DLGAP2: variants seen among roughly 807,000 people sequenced by gnomAD.
DLGAP2 encodes disks large-associated protein 2.
DLGAP2 carries 26 observed loss-of-function variants against 100.3 expected under a neutral mutation model. The observed-to-expected ratio is 0.26, with a 90% CI of 0.19 to 0.36. DLGAP2 has a LOEUF of 0.36. Ranked by LOEUF, DLGAP2 falls within the 10% of genes least tolerant of loss-of-function variation. The probability of loss-of-function intolerance (pLI) is 1.00; values close to 1 mark genes in which losing one functional copy is unlikely to be tolerated. For missense variants in DLGAP2, 1,858 were observed against 1,453.2 expected (o/e 1.28, Z -4.53); for synonymous variants, 886 against 630.1 (o/e 1.41, Z -6.08).
intron 8 of DLGAP2, among the ~76,000 whole-genome samples, chr8:1,664,479 A>G (rs938237105): frequency 1.3e-5 from 2 of 152,272 alleles, no homozygotes; most frequent in African/African-American, 4.8e-5. Flanking sequence ...ATTATGGAGC[A>G]CACTGGGGCC....
At chr8:1,116,824 A>G (rs943479175) in intron 2 of DLGAP2, among the ~76,000 whole-genome samples, 3 of 152,128 alleles carry the variant, frequency 2.0e-5, no homozygotes, top group African/African-American at 7.2e-5. Flanking sequence ...AAAAAAAGAG[A>G]ATATTCATTA....
chr8:1,472,986 AG>A (rs1798842070), intron 3 of DLGAP2, among the ~76,000 whole-genome samples: 1 of 152,100 alleles, frequency 6.6e-6, no homozygotes. Context: ...GCTGGAGTGC[AG>A]TGGCTTGATC....
At chr8:973,357 G>C (rs976316350) in intron 2 of DLGAP2, among the ~76,000 whole-genome samples, 17 of 152,014 alleles carry the variant, frequency 1.1e-4, no homozygotes, top group Admixed American at 6.5e-5. Context: ...CTTCCCAGAC[G>C]GGGTGGCTGC....
chr8:1,675,268 G>T (rs983723611), intron 10 of DLGAP2, among the ~76,000 whole-genome samples: 4 of 152,226 alleles, frequency 2.6e-5, no homozygotes, highest in African/African-American at 9.6e-5. Flanking sequence ...ACCCGGCTCT[G>T]GGGTCAGAGA....
At position 946,197 on chromosome 8, in the gene DLGAP2, G is replaced by C. The variant is rs999433249; in HGVS notation, c.73+38231G>C. The stretch of plus-strand genomic sequence containing the variant: ...GGGAGTCACACATTGATTGTCATCT[G>C]ATCTCCTGGGATGTGTATTGGCATT... On this transcript the variant is annotated intron_variant, in intron 2 of 14. Transcript: ENST00000637795. 3.2e-4 allele frequency among the ~76,000 whole-genome samples: 49 copies of C among 151,902 alleles called. 3 individuals carry two copies.
At chr8:1,369,388 A>G (rs1021727482) in intron 3 of DLGAP2, 3 of 151,952 alleles carry the variant, frequency 2.0e-5, no homozygotes, top group African/African-American at 7.3e-5. Flanking sequence ...TGTCGTGATC[A>G]CCCCTTCCTG....
chr8:761,464 T>C (rs531113080), intron 1 of DLGAP2, among the ~76,000 whole-genome samples: 4 of 152,356 alleles, frequency 2.6e-5, no homozygotes, highest in African/African-American at 9.6e-5. Flanking sequence ...TGGCCGGGCC[T>C]TCTGTAAGAT....
intron 12 of DLGAP2, among the ~76,000 whole-genome samples, chr8:1,687,243 C>T (rs570454533): frequency 6.6e-6 from 1 of 152,292 alleles, no homozygotes; most frequent in South Asian, 2.1e-4. Flanking sequence ...AATTATGTTA[C>T]TTCATACCAA....
At chr8:1,203,208 G>T (rs1314484996) in intron 2 of DLGAP2, among the ~76,000 whole-genome samples, 1 of 152,150 alleles carries the variant, frequency 6.6e-6, no homozygotes, top group Non-Finnish European at 1.5e-5. Context: ...GATTATAGAC[G>T]TGTGTGTCCT....
chr8:809,894 C>A (rs933890137), intron 1 of DLGAP2, among the ~76,000 whole-genome samples: 1 of 152,224 alleles, frequency 6.6e-6, no homozygotes, highest in Non-Finnish European at 1.5e-5. Context: ...CTGGCTCTGA[C>A]TCGCCCAGAA....
In DLGAP2 at chr8:906,919, G is replaced by A. The variant is rs139524294; in HGVS notation, c.19-993G>A. On this transcript the variant is annotated intron_variant, in intron 1 of 14. Coordinates refer to ENST00000637795, the MANE Select transcript of DLGAP2 (RefSeq NM_001346810.2). ...TCTTGTTTTCAATTGATTATATTTG[G>A]GAGAGAATTGTTCTTTTTTCAATAT... 2.4e-4 allele frequency among the ~76,000 whole-genome samples: 37 copies of A among 152,294 alleles called. 1 individual carries two copies. Among genetic ancestry groups the A allele is most frequent in the African/African-American group, 8.4e-4 (35 of 41,560 alleles).
At chr8:926,022 G>A (rs1798806731) in intron 2 of DLGAP2, among the ~76,000 whole-genome samples, 1 of 152,288 alleles carries the variant, frequency 6.6e-6, no homozygotes, top group East Asian at 1.9e-4. Flanking sequence ...GCTCCGGGCC[G>A]CTCGGGGGCA....
At chr8:1,276,585 G>C (rs1219376809) in intron 3 of DLGAP2, among the ~76,000 whole-genome samples, 4 of 151,972 alleles carry the variant, frequency 2.6e-5, no homozygotes, top group Non-Finnish European at 5.9e-5. Context: ...TGCGGTTTGA[G>C]TACACGATGA....
chr8:1,501,411 G>A lies in DLGAP2; in HGVS notation c.152G>A (p.Gly51Glu), dbSNP rs147195362. ...DLVQPGISFP[G>E]PAEEDLDPQY... is the part of the protein sequence containing the mutation. The stretch of plus-strand genomic sequence containing the variant: ...GTCCAGCCGGGCATCAGCTTTCCGG[G>A]GCCGGCAGAGGAGGATCTAGGTAGA... The change falls in exon 4 of 15, where the codon GGG becomes GAG. Residue 51 changes from glycine to glutamate, a missense_variant. By Grantham distance (98) the Gly-to-Glu change is moderately conservative. Coordinates refer to ENST00000637795, the MANE Select transcript of DLGAP2 (RefSeq NM_001346810.2). 110 of 1,535,772 alleles carry A rather than the reference G, an allele frequency of 7.2e-5. No individual in the cohort carries two copies. Among genetic ancestry groups the A allele is most frequent in the Non-Finnish European group, 9.2e-5 (105 of 1,146,720 alleles).
At chr8:822,413 A>G (rs912538256) in intron 1 of DLGAP2, among the ~76,000 whole-genome samples, 1 of 152,172 alleles carries the variant, frequency 6.6e-6, no homozygotes, top group Non-Finnish European at 1.5e-5. Flanking sequence ...GGCTGCGGAC[A>G]CTGTCCACAG....
chr8:1,389,965 C>T (rs1247567088), intron 3 of DLGAP2, among the ~76,000 whole-genome samples: 6 of 152,100 alleles, frequency 3.9e-5, no homozygotes, highest in Admixed American at 2.0e-4. Flanking sequence ...CTCCCTCACA[C>T]GTGAACAGGA....
chr8:937,861 T>C lies in DLGAP2; in HGVS notation c.73+29895T>C, dbSNP rs553814821. On this transcript the variant is annotated intron_variant, in intron 2 of 14. Coordinates refer to ENST00000637795, the MANE Select transcript of DLGAP2 (RefSeq NM_001346810.2). ...ACTCTACGGACGCCTCCAAGTTCAG[T>C]GTCCTGCCTTTTTGTGACTCTGTGA... Among the ~76,000 whole-genome samples the C allele has an allele frequency of 1.1e-4, 17 of 152,288 alleles. No homozygotes were observed. The South Asian group carries it at 2.9e-3, about 26-fold the overall frequency.
chr8:1,176,984 G>T (rs1167479006), intron 2 of DLGAP2, among the ~76,000 whole-genome samples: 1 of 152,208 alleles, frequency 6.6e-6, no homozygotes, highest in African/African-American at 2.4e-5. Context: ...ACAAGCGGTG[G>T]CCAGGCTCTG....
At chr8:1,512,858 C>T (rs1182071434) in intron 4 of DLGAP2, among the ~76,000 whole-genome samples, 1 of 152,216 alleles carries the variant, frequency 6.6e-6, no homozygotes, top group East Asian at 1.9e-4. Flanking sequence ...TCCGAATGAC[C>T]CTGATCCTGG....
Sources: allele counts gnomAD v4.1 joint callset (sites outside exome capture counted in the v4.1 genomes callset), GRCh38; gene constraint gnomAD v4.1.1; transcripts MANE v1.5; gene names NCBI Gene and HGNC (gene_info 2026-07-23, HGNC 2026-07-21).